Variants in UBAC2 observed in about 807,000 individuals in gnomAD.
UBAC2 encodes the protein UBA domain containing 2, also known as ubiquitin-associated domain-containing protein 2.
Under a neutral mutation model 44.0 loss-of-function variants are expected in UBAC2, and 26 were observed. That is an observed-to-expected ratio of 0.59 (90% CI 0.43 to 0.82). The LOEUF (loss-of-function observed/expected upper bound fraction) is 0.82, where lower values mean the gene tolerates loss of function less well. UBAC2 is among the 40% of genes least tolerant of loss of function. The pLI, the probability that UBAC2 is intolerant of heterozygous loss-of-function variation, is 0.00. For synonymous variants in UBAC2, 155 were observed against 154.3 expected, an observed-to-expected ratio of 1.00 and a Z score of -0.04; for missense variants, 329 against 419.4, an observed-to-expected ratio of 0.78 and a Z score of 1.88.
intron 4 of UBAC2, among the ~76,000 whole-genome samples, chr13:99,266,936 G>A (rs1041255430): frequency 6.6e-6 from 1 of 152,076 alleles, no homozygotes; most frequent in Non-Finnish European, 1.5e-5. Flanking sequence ...TTGGGGAATG[G>A]CTGTATCGTT....
chr13:99,375,337 G>A (rs2045465555), intron 8 of UBAC2, among the ~76,000 whole-genome samples: 1 of 151,654 alleles, frequency 6.6e-6, no homozygotes, highest in East Asian at 1.9e-4. Flanking sequence ...GGAGAGGGGG[G>A]TGGGGGCTGC....
chr13:99,338,535 G>T (rs1809158044), intron 6 of UBAC2, among the ~76,000 whole-genome samples: 1 of 152,188 alleles, frequency 6.6e-6, no homozygotes, highest in African/African-American at 2.4e-5. Flanking sequence ...ATGCAGAGTG[G>T]TTTATAATCA....
intron 6 of UBAC2, among the ~76,000 whole-genome samples, chr13:99,318,985 T>C (rs1048129035): frequency 1.3e-5 from 2 of 151,656 alleles, no homozygotes; most frequent in Admixed American, 6.6e-5. Flanking sequence ...TTGGACTTAC[T>C]AAAAATAAGG....
chr13:99,227,472 T>C (rs2043123973), intron 1 of UBAC2, among the ~76,000 whole-genome samples: 1 of 152,170 alleles, frequency 6.6e-6, no homozygotes, highest in South Asian at 2.1e-4. Context: ...TGACATAGCT[T>C]TCATTTACTT....
At chr13:99,209,732 G>C (rs1237622417) in intron 1 of UBAC2, among the ~76,000 whole-genome samples, 1 of 152,204 alleles carries the variant, frequency 6.6e-6, no homozygotes, top group Non-Finnish European at 1.5e-5. Context: ...CCAGCACTTT[G>C]GGAGGCCAAG....
intron 7 of UBAC2, among the ~76,000 whole-genome samples, chr13:99,341,633 G>T (rs1359631881): frequency 1.3e-5 from 2 of 152,184 alleles, no homozygotes; most frequent in Non-Finnish European, 2.9e-5. Context: ...CCTCTGTAGG[G>T]ATGAGAGCTG....
intron 1 of UBAC2, among the ~76,000 whole-genome samples, chr13:99,233,988 C>A (rs549278404): frequency 4.6e-4 from 70 of 151,814 alleles, no homozygotes; most frequent in African/African-American, 1.2e-3. Flanking sequence ...TATTATTATT[C>A]TTATTTTCAG....
chr13:99,318,961 T>G (rs1594122832), intron 6 of UBAC2, among the ~76,000 whole-genome samples: 1 of 149,292 alleles, frequency 6.7e-6, no homozygotes, highest in East Asian at 2.0e-4. Context: ...AAAAAAAGCC[T>G]GAAAATGAAG....
At chr13:99,216,690 T>G (rs1594007936) in intron 1 of UBAC2, among the ~76,000 whole-genome samples, 1 of 152,156 alleles carries the variant, frequency 6.6e-6, no homozygotes, top group Non-Finnish European at 1.5e-5. Context: ...CACATTTCGC[T>G]GGTGTTTTGA....
At chr13:99,369,246 T>C (rs1282793060) in intron 8 of UBAC2, among the ~76,000 whole-genome samples, 1 of 152,238 alleles carries the variant, frequency 6.6e-6, no homozygotes, top group Non-Finnish European at 1.5e-5. Context: ...TATATATAGA[T>C]GGTCCCTGAC....
At chr13:99,318,834 A>G (rs1318602414) in intron 6 of UBAC2, among the ~76,000 whole-genome samples, 1 of 151,334 alleles carries the variant, frequency 6.6e-6, no homozygotes, top group African/African-American at 2.4e-5. Context: ...AAAAAAAAAA[A>G]AAAAAAAGGC....
chr13:99,226,483 G>T (rs904149690), intron 1 of UBAC2, among the ~76,000 whole-genome samples: 4 of 152,060 alleles, frequency 2.6e-5, no homozygotes, highest in African/African-American at 9.7e-5. Flanking sequence ...CTTCTAACTG[G>T]TTTACTATCT....
chr13:99,300,907 A>T (rs2044248252), intron 4 of UBAC2, among the ~76,000 whole-genome samples: 1 of 152,190 alleles, frequency 6.6e-6, no homozygotes, highest in Non-Finnish European at 1.5e-5. Context: ...TCAGGTAGAA[A>T]ATTTATTCTT....
At chr13:99,215,375 G>A (rs2042980042) in intron 1 of UBAC2, 3 of 1,144,184 alleles carry the variant, frequency 2.6e-6, no homozygotes, top group Non-Finnish European at 1.3e-6. Flanking sequence ...GCATACATTA[G>A]ACAGTCTTCT....
At chr13:99,226,393 A>AG (rs1451124269) in intron 1 of UBAC2, among the ~76,000 whole-genome samples, 1 of 151,364 alleles carries the variant, frequency 6.6e-6, no homozygotes, top group African/African-American at 2.4e-5. Context: ...AACATATCCC[A>AG]GTTTCAACCT....
intron 7 of UBAC2, among the ~76,000 whole-genome samples, chr13:99,350,259 C>T (rs1005475423): frequency 1.3e-5 from 2 of 152,154 alleles, no homozygotes; most frequent in Non-Finnish European, 1.5e-5. Context: ...TTTCTTACCT[C>T]GGCACCTAGG....
At chr13:99,332,904 G>GCCT (rs1348970965) in intron 6 of UBAC2, among the ~76,000 whole-genome samples, 68 of 151,842 alleles carry the variant, frequency 4.5e-4, no homozygotes, top group African/African-American at 1.5e-3. Context: ...GCTTTTCAGA[G>GCCT]GGTCTATGGA....
At chr13:99,270,058 GTA>G (rs1334245956) in intron 4 of UBAC2, among the ~76,000 whole-genome samples, 1 of 152,158 alleles carries the variant, frequency 6.6e-6, no homozygotes, top group Non-Finnish European at 1.5e-5. Flanking sequence ...ACACAATAAA[GTA>G]TTTTAAACAC....
chr13:99,232,173 A>G (rs2043180440), intron 1 of UBAC2, among the ~76,000 whole-genome samples: 1 of 152,086 alleles, frequency 6.6e-6, no homozygotes, highest in African/African-American at 2.4e-5. Flanking sequence ...GGGGTATGGG[A>G]TAGAGGGGAT....
Sources: allele counts gnomAD v4.1 joint callset (sites outside exome capture counted in the v4.1 genomes callset), GRCh38; gene constraint gnomAD v4.1.1; transcripts MANE v1.5; gene names NCBI Gene and HGNC (gene_info 2026-07-23, HGNC 2026-07-21).